Variants in PCDHGB3 observed in about 807,000 individuals in gnomAD.
PCDHGB3 encodes protocadherin gamma-B3.
In PCDHGB3, 40 loss-of-function variants were observed where a neutral mutation model predicts 59.2. That is an observed-to-expected ratio of 0.68 (90% CI 0.52 to 0.88). The LOEUF is 0.88. PCDHGB3 is among the 40% of genes least tolerant of loss of function. The probability of loss-of-function intolerance (pLI) is 0.00; values close to 1 mark genes in which losing one functional copy is unlikely to be tolerated. For synonymous variants in PCDHGB3, 581 were observed against 503.6 expected, an observed-to-expected ratio of 1.15 and a Z score of -2.06; for missense variants, 1,309 against 1,187.9, an observed-to-expected ratio of 1.10 and a Z score of -1.50.
intron 1 of PCDHGB3, chr5:141,424,694 T>C (rs2096834568): frequency 6.6e-6 from 1 of 152,252 alleles, no homozygotes; most frequent in East Asian, 1.9e-4. Flanking sequence ...TCTGGCTATT[T>C]TTTTGTTCAT....
chr5:141,446,771 A>G (rs1008985621), intron 1 of PCDHGB3, among the ~76,000 whole-genome samples: 3 of 152,158 alleles, frequency 2.0e-5, no homozygotes, highest in Admixed American at 2.0e-4. Flanking sequence ...CCAGCCGGTT[A>G]CCATTCTTTT....
rs145936007 is a variant in PCDHGB3, at chr5:141,490,795, C to T, written c.2416-4012C>T. 2.0e-5 allele frequency: 33 copies of T among 1,614,036 alleles called. No homozygotes were observed. Among genetic ancestry groups the T allele is most frequent in the Non-Finnish European group, 2.8e-5 (33 of 1,179,922 alleles). ...CCCAGAGGATGGACGGATCTTTGCC[C>T]AGCGTACCTTTGACTATGAATTGCT... On this transcript the variant is annotated intron_variant, in intron 1 of 3. Coordinates refer to ENST00000576222, the MANE Select transcript of PCDHGB3 (RefSeq NM_018924.5). This position sits in a 1 kb window ranked among gnomAD's most constrained non-coding sequence, Gnocchi z 5.4.
In PCDHGB3 at chr5:141,371,504, AAC is replaced by A. The variant is rs780003626; in HGVS notation, c.1114_1115del (p.His372Ter). The A allele has an allele frequency of 4.3e-6, 7 of 1,613,916 alleles. No individual in the cohort carries two copies. Among genetic ancestry groups the A allele is most frequent in the Non-Finnish European group, 5.9e-6 (7 of 1,179,842 alleles). On this transcript the variant is annotated frameshift_variant, in exon 1 of 4. Coordinates refer to ENST00000576222, the MANE Select transcript of PCDHGB3 (RefSeq NM_018924.5). LOFTEE classifies it high-confidence loss of function. ...TGGGGACTGCCGTTGCCCTGATCAA[AAC>A]ACATGATCTAGATTCTGGATTTAAT... Reference protein sequence around the residue: ...ELGTAVALIKTHDLDSGFNGE... With the variant: ...ELGTAVALIKXHDLDSGFNGE...
At chr5:141,398,045 G>A (rs2093604271) in intron 1 of PCDHGB3, 1 of 1,498,158 alleles carries the variant, frequency 6.7e-7, no homozygotes. Flanking sequence ...AAGCCCGTTC[G>A]GAGATCCAAA....
At position 141,511,940 on chromosome 5, in the gene PCDHGB3, G is replaced by A. The variant is rs2099884015; in HGVS notation, c.*767G>A. 1 of 154,118 alleles carries A rather than the reference G, an allele frequency of 6.5e-6. No homozygotes were observed. The highest frequency in any genetic ancestry group is 1.9e-4 in the East Asian group (1 of 5,214). 9.5% of individuals were successfully genotyped at this position (154,118 alleles called of 1,614,324 possible). ...TCCACTGCATGTTCCAAGACAGTAT[G>A]GGGTGGTAAGATAAGGAAGGGAAGT... On this transcript the variant is annotated 3_prime_UTR_variant, in exon 4 of 4. Coordinates refer to ENST00000576222, the MANE Select transcript of PCDHGB3 (RefSeq NM_018924.5).
chr5:141,481,679 C>T (rs2099541734), intron 1 of PCDHGB3, among the ~76,000 whole-genome samples: 1 of 151,948 alleles, frequency 6.6e-6, no homozygotes, highest in Non-Finnish European at 1.5e-5. Context: ...TCAGGCCGGG[C>T]CTGGTGGCTC....
At chr5:141,475,903 G>A in intron 1 of PCDHGB3, 1 of 576,064 alleles carries the variant, frequency 1.7e-6, no homozygotes. Context: ...TGCCGCTGTC[G>A]GCCAATGAAG....
intron 1 of PCDHGB3, chr5:141,384,769 G>A (rs778610936): frequency 6.2e-7 from 1 of 1,613,914 alleles, no homozygotes; most frequent in Non-Finnish European, 8.5e-7. Context: ...GCTGTACACG[G>A]GCGAGGTGCG....
In PCDHGB3 at chr5:141,393,826, A is replaced by T. The variant is rs1182278213; in HGVS notation, c.2415+21017A>T. 6.2e-7 allele frequency: 1 copy of T among 1,613,988 alleles called. No homozygotes were observed. Among genetic ancestry groups the T allele is most frequent in the African/African-American group, 1.3e-5 (1 of 75,050 alleles). Reference sequence around the variant, plus strand: ...AGGACCAAATTGCTCATTTCGGTGGAAGATGTAAATGACAATAGACCAGAA... The same window carrying T: ...AGGACCAAATTGCTCATTTCGGTGGTAGATGTAAATGACAATAGACCAGAA... On this transcript the variant is annotated intron_variant, in intron 1 of 3. Coordinates refer to ENST00000576222, the MANE Select transcript of PCDHGB3 (RefSeq NM_018924.5).
intron 1 of PCDHGB3, chr5:141,430,452 A>G (rs566189732): frequency 2.0e-3 from 408 of 202,442 alleles, no homozygotes; most frequent in South Asian, 3.8e-3. Context: ...CCTTTTGAAG[A>G]ACAGTAGGTG....
intron 1 of PCDHGB3, among the ~76,000 whole-genome samples, chr5:141,458,079 C>G (rs1016889225): frequency 6.6e-6 from 1 of 152,186 alleles, no homozygotes; most frequent in Non-Finnish European, 1.5e-5. Context: ...AACTATATTG[C>G]CGTAAGTTAA....
rs996556361 is a variant in PCDHGB3, at chr5:141,511,290, A to G, written c.*117A>G. 1.3e-6 allele frequency: 2 copies of G among 1,516,984 alleles called. No homozygotes were observed. The highest frequency in any genetic ancestry group is 1.8e-6 in the Non-Finnish European group (2 of 1,129,124). The allele number at this position is 1,516,984 out of a possible 1,614,324, so 94.0% of individuals were successfully genotyped here. ...AACCCCCAGAATACTGGTAGGGGCC[A>G]AGGCCATGCTCCCCTTGGGAAACAG... is the stretch of plus-strand genomic sequence containing the variant. On this transcript the variant is annotated 3_prime_UTR_variant, in exon 4 of 4. Coordinates refer to ENST00000576222, the MANE Select transcript of PCDHGB3 (RefSeq NM_018924.5).
intron 1 of PCDHGB3, chr5:141,395,380 T>C (rs1219736482): frequency 9.0e-7 from 1 of 1,112,054 alleles, no homozygotes; most frequent in African/African-American, 1.6e-5. Context: ...GTGGTGTTAC[T>C]ATAAAATTGA....
At chr5:141,410,008 C>A (rs2095347582) in intron 1 of PCDHGB3, 1 of 1,613,220 alleles carries the variant, frequency 6.2e-7, no homozygotes, top group Non-Finnish European at 8.5e-7. Flanking sequence ...GACACAACGC[C>A]TGGCTGTCCT....
Position 141,372,509 on chromosome 5 carries a change from C to T in PCDHGB3, c.2115C>T (p.Leu705=), listed in dbSNP as rs770630386. 11 of 1,614,056 alleles carry T rather than the reference C, an allele frequency of 6.8e-6. No homozygotes were observed. The South Asian group carries it at 9.9e-5, about 14-fold the overall frequency. The change falls in exon 1 of 4, where the codon CTC becomes CTT. Residue 705 remains leucine, a synonymous_variant. Coordinates refer to ENST00000576222, the MANE Select transcript of PCDHGB3 (RefSeq NM_018924.5). Reference sequence around the variant, plus strand: ...CCTTGATCTCAGTGCTCTTCCTCCTCGCGGTGATTCTGGCAATCTCCCTGC... The same window carrying T: ...CCTTGATCTCAGTGCTCTTCCTCCTTGCGGTGATTCTGGCAATCTCCCTGC... The part of the protein sequence containing the change: ...ALALISVLFL[L]AVILAISLRL...
intron 2 of PCDHGB3, among the ~76,000 whole-genome samples, chr5:141,504,355 C>T (rs974022699): frequency 6.6e-6 from 1 of 152,078 alleles, no homozygotes; most frequent in Non-Finnish European, 1.5e-5. Flanking sequence ...GTGCTAGGTG[C>T]TTCAGTAGGA....
chr5:141,410,019 A>C, intron 1 of PCDHGB3: 2 of 1,613,204 alleles, frequency 1.2e-6, no homozygotes, highest in African/African-American at 2.7e-5. Context: ...TGGCTGTCCT[A>C]CCACGTGCTG....
At chr5:141,415,695 T>C (rs1284418994) in intron 1 of PCDHGB3, 1 of 1,537,350 alleles carries the variant, frequency 6.5e-7, no homozygotes, top group South Asian at 1.2e-5. Context: ...TGGTGGAAAG[T>C]GTAAATGCTA....
chr5:141,474,985 C>T (rs2099357651), intron 1 of PCDHGB3, among the ~76,000 whole-genome samples: 1 of 152,202 alleles, frequency 6.6e-6, no homozygotes, highest in Non-Finnish European at 1.5e-5. Context: ...TGTTTGGTGA[C>T]AACAATTCTA....
Sources: allele counts gnomAD v4.1 joint callset (sites outside exome capture counted in the v4.1 genomes callset), GRCh38; gene constraint gnomAD v4.1.1; non-coding constraint Gnocchi (gnomAD v3.1); transcripts MANE v1.5; gene names NCBI Gene and HGNC (gene_info 2026-07-23, HGNC 2026-07-21).